HROB: variants seen among roughly 807,000 people sequenced by gnomAD.
HROB encodes homologous recombination OB-fold protein.
A neutral mutation model predicts 61.0 loss-of-function variants in HROB; 44 were observed. That is an observed-to-expected ratio of 0.72 (90% CI 0.57 to 0.93). The LOEUF (loss-of-function observed/expected upper bound fraction) is 0.93, where lower values mean the gene tolerates loss of function less well. HROB is among the 40% of genes least tolerant of loss of function. The pLI is 0.00. For synonymous variants in HROB, 301 were observed against 310.4 expected (o/e 0.97, Z 0.32); for missense variants, 716 against 796.2 (o/e 0.90, Z 1.21).
Position 44,162,176 on chromosome 17 carries a change from G to C in HROB, c.*244G>C, listed in dbSNP as rs1263980060. ...CGGAGACTGGCTCTCCAGCCAACAA[G>C]AAAGGCCTGTCACCCTCGCCTTGGG... On this transcript the variant is annotated 3_prime_UTR_variant, in exon 10 of 10. Coordinates refer to ENST00000585683, the MANE Select transcript of HROB (RefSeq NM_001171251.3). The C allele has an allele frequency of 6.0e-6, 3 of 500,216 alleles. No homozygotes were observed. Among genetic ancestry groups the C allele is most frequent in the East Asian group, 3.5e-5 (1 of 28,522 alleles). 31.0% of individuals were successfully genotyped at this position (500,216 alleles called of 1,614,324 possible). A position where few individuals can be genotyped will look rare whatever the true frequency, so the allele number is the denominator to read the frequency against.
intron 6 of HROB, 74 bp from the exon 7 acceptor site, chr17:44,154,779 T>C: frequency 6.3e-7 from 1 of 1,596,136 alleles, no homozygotes; most frequent in East Asian, 2.2e-5. Flanking sequence ...AGCAGCCCAC[T>C]TCCCAGCCAG....
At chr17:44,159,644 A>G (rs2054073309) in intron 9 of HROB, among the ~76,000 whole-genome samples, 1 of 152,238 alleles carries the variant, frequency 6.6e-6, no homozygotes. Context: ...AGTCATCTCA[A>G]AAGATTGATA....
At chr17:44,158,035 C>G in intron 9 of HROB, 94 bp downstream of exon 9, 3 of 875,632 alleles carry the variant, frequency 3.4e-6, no homozygotes, top group Non-Finnish European at 5.2e-6. Context: ...GTTCCTCTTT[C>G]CATGAATCTT....
At chr17:44,160,934 G>A (rs546178770) in intron 9 of HROB, among the ~76,000 whole-genome samples, 139 of 152,318 alleles carry the variant, frequency 9.1e-4, no homozygotes, top group African/African-American at 3.3e-3. Context: ...CGGGCATGGT[G>A]GCTCATGCCT....
chr17:44,148,274 A>G lies in HROB; in HGVS notation c.471A>G (p.Glu157=), dbSNP rs760895979. Residue 157 remains glutamate, a synonymous_variant, in exon 3 of 10, where the codon GAA becomes GAG. Transcript: ENST00000585683. ...VGGFEGPEQD[E]FDKVLASMEL... ...GCTTTGAGGGGCCTGAACAAGACGA[A>G]TTTGATAAAGTCCTGGCAAGCATGG... 2.5e-6 allele frequency: 4 copies of G among 1,614,018 alleles called. No homozygotes were observed. In the East Asian group the frequency reaches 6.7e-5, roughly 27 times the overall value.
chr17:44,157,446 C>T (rs1025844499), intron 8 of HROB, among the ~76,000 whole-genome samples: 6 of 138,234 alleles, frequency 4.3e-5, no homozygotes, highest in Non-Finnish European at 9.2e-5. Flanking sequence ...AAGGGTCTCA[C>T]TCTGTCCCCC....
At chr17:44,144,163 CAG>C (rs1440637465) in intron 1 of HROB, among the ~76,000 whole-genome samples, 1 of 151,072 alleles carries the variant, frequency 6.6e-6, no homozygotes, top group African/African-American at 2.4e-5. Context: ...TTTTTAAAGA[CAG>C]AGTCTTGCCC....
chr17:44,160,888 CAG>C (rs1333310886), intron 9 of HROB, among the ~76,000 whole-genome samples: 1 of 152,098 alleles, frequency 6.6e-6, no homozygotes, highest in East Asian at 1.9e-4. Context: ...CTGGTAGTGA[CAG>C]AGAGTTGATT....
rs1343240536 is a variant in HROB at position 44,150,975 on chromosome 17, T to C, written c.1239T>C (p.Ser413=). The part of the protein sequence containing the change: ...GILPHQQSGR[S]LEDIMVSAPQ... ...TCCCCTCTTAGCAGAGTGGGAGAAG[T>C]CTGGAGGACATCATGGTTTCCGCGC... Residue 413 remains serine, a synonymous_variant, in exon 4 of 10, where the codon AGT becomes AGC. Coordinates refer to ENST00000585683, the MANE Select transcript of HROB (RefSeq NM_001171251.3). 6.2e-7 allele frequency: 1 copy of C among 1,612,414 alleles called. No individual in the cohort carries two copies. The highest frequency in any genetic ancestry group is 1.3e-5 in the African/African-American group (1 of 74,878).
intron 5 of HROB, among the ~76,000 whole-genome samples, chr17:44,153,771 C>A (rs996597326): frequency 2.6e-5 from 4 of 151,948 alleles, no homozygotes; most frequent in African/African-American, 4.8e-5. Context: ...CCAAACAGGT[C>A]AGGCGGGGTG....
Position 44,145,187 on chromosome 17 carries a change from T to C in HROB, c.4-16T>C, listed in dbSNP as rs571624710. ...AATGGTATTTCTCAACCCCAGTTGG[T>C]TTTTTTTCTTTTCAGGCGTGCAGTT... is the stretch of plus-strand genomic sequence containing the variant. On this transcript the variant is annotated splice_polypyrimidine_tract_variant and intron_variant, in intron 1 of 9. Transcript: ENST00000585683. 8 of 1,612,790 alleles carry C rather than the reference T, an allele frequency of 5.0e-6. No individual in the cohort carries two copies. The East Asian group carries it at 1.6e-4, about 31-fold the overall frequency.
Position 44,148,656 on chromosome 17 carries a change from A to G in HROB, c.853A>G (p.Arg285Gly), listed in dbSNP as rs757710553. The G allele has an allele frequency of 2.5e-6, 4 of 1,613,850 alleles. No individual in the cohort carries two copies. Among genetic ancestry groups the G allele is most frequent in the Non-Finnish European group, 2.5e-6 (3 of 1,180,004 alleles). Residue 285 changes from arginine (R) to glycine (G), a missense_variant, in exon 3 of 10, where the codon AGA becomes GGA. Arg to Gly is a moderately radical substitution (Grantham distance 125). Transcript: ENST00000585683. Reference sequence around the variant, plus strand: ...AGCACTTCAGCCTCTCCAAGCTGCTAGAGGGACCATTCAGAGCAGCCCTCA... The same window carrying G: ...AGCACTTCAGCCTCTCCAAGCTGCTGGAGGGACCATTCAGAGCAGCCCTCA... The part of the protein sequence containing the change: ...VQALQPLQAA[R>G]GTIQSSPQNR...
At chr17:44,146,131 C>G (rs1387501656) in intron 2 of HROB, among the ~76,000 whole-genome samples, 2 of 152,172 alleles carry the variant, frequency 1.3e-5, no homozygotes, top group African/African-American at 4.8e-5. Context: ...CTCACTGCAA[C>G]CTCAACCTCC....
At chr17:44,160,204 T>C (rs1413577836) in intron 9 of HROB, among the ~76,000 whole-genome samples, 3 of 152,204 alleles carry the variant, frequency 2.0e-5, no homozygotes, top group Admixed American at 2.0e-4. Context: ...CTCCTGACTC[T>C]GTACTGGCTG....
chr17:44,159,678 C>T (rs1310254053), intron 9 of HROB, among the ~76,000 whole-genome samples: 2 of 152,224 alleles, frequency 1.3e-5, no homozygotes, highest in Non-Finnish European at 2.9e-5. Context: ...CACGTGTCCA[C>T]GTGATGGGGG....
chr17:44,162,376 C>A lies in HROB; in HGVS notation c.*444C>A. The A allele has an allele frequency of 5.8e-6, 1 of 172,118 alleles. No homozygotes were observed. The allele number at this position is 172,118 out of a possible 1,614,324, so 10.7% of individuals were successfully genotyped here. ...TCAGGCTTCCTCTGCTTTGTCTCTT[C>A]AGACCTGTGGTTGCTCTGCTCATCC... On this transcript the variant is annotated 3_prime_UTR_variant, in exon 10 of 10. Transcript: ENST00000585683.
intron 3 of HROB, 149 bp from the exon 4 acceptor site, chr17:44,150,812 G>C (rs1263409176): frequency 1.5e-6 from 1 of 650,460 alleles, no homozygotes; most frequent in Non-Finnish European, 2.6e-6. Context: ...CTGCCAAAGA[G>C]GCTCCTGAGA....
chr17:44,153,860 G>T lies in HROB; in HGVS notation c.1450-696G>T, dbSNP rs958454827. 3.8e-4 allele frequency among the ~76,000 whole-genome samples: 58 copies of T among 151,890 alleles called. 2 individuals carry two copies. Among genetic ancestry groups the T allele is most frequent in the African/African-American group, 1.4e-3 (57 of 41,408 alleles). On this transcript the variant is annotated intron_variant, in intron 5 of 9. Transcript: ENST00000585683. ...AGGTCAGGAGTTCGAGACCAGCCTG[G>T]CCAACATGGTGAAACCCCCTCTATT...
At chr17:44,152,563 A>G in intron 4 of HROB, 74 bp from the exon 5 acceptor site, 4 of 1,535,610 alleles carry the variant, frequency 2.6e-6, no homozygotes, top group Non-Finnish European at 3.5e-6. Flanking sequence ...TCACCCTTCC[A>G]CCCTGTTTCA....
Sources: allele counts gnomAD v4.1 joint callset (sites outside exome capture counted in the v4.1 genomes callset), GRCh38; gene constraint gnomAD v4.1.1; transcripts MANE v1.5; gene names NCBI Gene and HGNC (gene_info 2026-07-23, HGNC 2026-07-21).